Variants in SLC41A2 observed in about 807,000 individuals in gnomAD.
SLC41A2 encodes the protein SLC41A1-like 1.
In SLC41A2, 32 loss-of-function variants were observed where a neutral mutation model predicts 58.3. The observed-to-expected ratio is 0.55, with a 90% CI of 0.41 to 0.74. SLC41A2 has a LOEUF of 0.74. SLC41A2 is among the 30% of genes least tolerant of loss of function. The probability of loss-of-function intolerance (pLI) is 0.00; values close to 1 mark genes in which losing one functional copy is unlikely to be tolerated. For missense variants in SLC41A2, 514 were observed against 680.6 expected (o/e 0.76, Z 2.72); for synonymous variants, 190 against 235.0 (o/e 0.81, Z 1.75).
chr12:104,923,522 GATCAATGAAACAAAA>G (rs2046701561), intron 2 of SLC41A2, among the ~76,000 whole-genome samples: 1 of 151,478 alleles, frequency 6.6e-6, no homozygotes, highest in Non-Finnish European at 1.5e-5. Context: ...AAAAAATACA[GATCAATGAAACAAAA>G]AGTTATTTTT....
At chr12:104,876,324 T>C (rs1159560327) in intron 6 of SLC41A2, among the ~76,000 whole-genome samples, 1 of 152,158 alleles carries the variant, frequency 6.6e-6, no homozygotes, top group Non-Finnish European at 1.5e-5. Context: ...CTTTTTTTCC[T>C]AGTTCCTTGA....
intron 2 of SLC41A2, among the ~76,000 whole-genome samples, chr12:104,912,883 G>A (rs1179992610): frequency 6.6e-6 from 1 of 152,202 alleles, no homozygotes; most frequent in East Asian, 1.9e-4. Flanking sequence ...AGTGTCTGCT[G>A]CAGAACTGAC....
At chr12:104,921,893 TAG>T (rs2046613334) in intron 2 of SLC41A2, among the ~76,000 whole-genome samples, 1 of 152,326 alleles carries the variant, frequency 6.6e-6, no homozygotes, top group South Asian at 2.1e-4. Flanking sequence ...AGTTAAAGTG[TAG>T]AGTTTCTTAG....
At position 104,932,624 on chromosome 12, in the gene SLC41A2, C is replaced by CAAA. The variant is rs544329617; in HGVS notation, c.-167-3933_-167-3931dup. On this transcript the variant is annotated intron_variant, in intron 1 of 10. Transcript: ENST00000258538. ...TGGGTGACGCAGTGAGACTTTGTCTCAAAAAAAAAAAAAAAAAAAAAAGAT... is the reference window on the plus strand; with the variant it reads ...TGGGTGACGCAGTGAGACTTTGTCTCAAAAAAAAAAAAAAAAAAAAAAAAAGAT... Among the ~76,000 whole-genome samples, 343 of 45,954 alleles carry CAAA rather than the reference C, an allele frequency of 7.5e-3. 9 individuals are homozygous for CAAA. The highest frequency in any genetic ancestry group is 0.026 in the African/African-American group (300 of 11,542). The allele number at this position is 45,954 out of a possible 152,430, so 30.1% of individuals were successfully genotyped here.
chr12:104,853,911 A>ATTATTATTATTATTTATTTTT, intron 8 of SLC41A2, among the ~76,000 whole-genome samples: 2 of 59,494 alleles, frequency 3.4e-5, no homozygotes, highest in African/African-American at 6.9e-5. Flanking sequence ...TGCCTGGCTG[A>ATTATTATTATTATTTATTTTT]TTTTTTTTTT....
At chr12:104,821,767 A>G (rs2041646037) in intron 10 of SLC41A2, among the ~76,000 whole-genome samples, 1 of 152,218 alleles carries the variant, frequency 6.6e-6, no homozygotes, top group African/African-American at 2.4e-5. Flanking sequence ...AATGGGGCAC[A>G]TAGGTGTCTT....
At chr12:104,862,041 A>G (rs2043233805) in intron 7 of SLC41A2, among the ~76,000 whole-genome samples, 1 of 152,194 alleles carries the variant, frequency 6.6e-6, no homozygotes, top group Non-Finnish European at 1.5e-5. Context: ...GCCATTATCA[A>G]CTGGTTAACA....
intron 6 of SLC41A2, among the ~76,000 whole-genome samples, chr12:104,884,276 T>C (rs1046138823): frequency 6.6e-6 from 1 of 152,148 alleles, no homozygotes; most frequent in Non-Finnish European, 1.5e-5. Flanking sequence ...GAAAGGTAAT[T>C]CCCTGACCCC....
chr12:104,935,178 C>T (rs2047213158), intron 1 of SLC41A2, among the ~76,000 whole-genome samples: 1 of 151,782 alleles, frequency 6.6e-6, no homozygotes, highest in South Asian at 2.1e-4. Context: ...AGGCTGGTCT[C>T]AAACTCCTGA....
chr12:104,817,335 GGACATTACTATACACTAATGTA>G, intron 10 of SLC41A2, among the ~76,000 whole-genome samples: 1 of 152,158 alleles, frequency 6.6e-6, no homozygotes, highest in East Asian at 1.9e-4. Context: ...TGAAGGCCTG[GGACATTACTATACACTAATGTA>G]GACATTAAAA....
chr12:104,911,576 T>G lies in SLC41A2; in HGVS notation c.556-1814A>C, dbSNP rs75993360. 3.1e-3 allele frequency among the ~76,000 whole-genome samples: 465 copies of G among 152,292 alleles called. 2 individuals are homozygous for G. Among genetic ancestry groups the G allele is most frequent in the African/African-American group, 0.011 (440 of 41,560 alleles). On this transcript the variant is annotated intron_variant, in intron 2 of 10. Coordinates refer to ENST00000258538, the MANE Select transcript of SLC41A2 (RefSeq NM_001352171.3). ...AAAAGTATCAAAAATATACATGTCA[T>G]GAATACCAAGACAGATGAGAAAAGT...
intron 1 of SLC41A2, among the ~76,000 whole-genome samples, chr12:104,955,223 CCAGTCTGGTCTCGAACTCCCAACCT>C (rs1565928921): frequency 6.6e-6 from 1 of 152,064 alleles, no homozygotes; most frequent in East Asian, 1.9e-4. Flanking sequence ...ACCATGTTGG[CCAGTCTGGTCTCGAACTCCCAACCT>C]CAGGTGATCT....
At chr12:104,840,765 A>T (rs1053332739) in intron 10 of SLC41A2, among the ~76,000 whole-genome samples, 2 of 152,218 alleles carry the variant, frequency 1.3e-5, no homozygotes, top group Admixed American at 6.5e-5. Context: ...ACCACCAAAC[A>T]ATGTAATTTG....
At chr12:104,910,395 C>T (rs750467423) in intron 2 of SLC41A2, among the ~76,000 whole-genome samples, 1 of 152,154 alleles carries the variant, frequency 6.6e-6, no homozygotes, top group Non-Finnish European at 1.5e-5. Flanking sequence ...AACTTGGCTT[C>T]ATGATCCTGG....
chr12:104,911,639 G>A (rs1565895280), intron 2 of SLC41A2, among the ~76,000 whole-genome samples: 1 of 152,188 alleles, frequency 6.6e-6, no homozygotes, highest in African/African-American at 2.4e-5. Flanking sequence ...GGAAAATTTT[G>A]ATTTGTTCCC....
At chr12:104,898,821 A>G (rs1259257356) in intron 3 of SLC41A2, among the ~76,000 whole-genome samples, 1 of 152,222 alleles carries the variant, frequency 6.6e-6, no homozygotes, top group Non-Finnish European at 1.5e-5. Flanking sequence ...AGTGGGTCAA[A>G]GACGTTAACA....
At chr12:104,857,262 A>G (rs916942408) in intron 8 of SLC41A2, among the ~76,000 whole-genome samples, 7 of 152,184 alleles carry the variant, frequency 4.6e-5, no homozygotes, top group African/African-American at 1.7e-4. Context: ...AGGGGGTCTG[A>G]GGAAGGTTAG....
At chr12:104,904,481 G>T (rs945191325) in intron 3 of SLC41A2, among the ~76,000 whole-genome samples, 7 of 152,188 alleles carry the variant, frequency 4.6e-5, no homozygotes, top group African/African-American at 1.7e-4. Flanking sequence ...AGGAAAAGAT[G>T]AAACACATGC....
At chr12:104,904,878 A>C (rs2045744500) in intron 3 of SLC41A2, among the ~76,000 whole-genome samples, 1 of 152,166 alleles carries the variant, frequency 6.6e-6, no homozygotes, top group South Asian at 2.1e-4. Context: ...GAGCAGTAGC[A>C]AGATTTATTG....
Sources: gnomAD v4.1 joint callset for allele counts (sites outside exome capture counted in the v4.1 genomes callset) on GRCh38, gnomAD v4.1.1 for gene constraint, MANE v1.5 for transcripts, NCBI Gene and HGNC (gene_info 2026-07-23, HGNC 2026-07-21) for gene names.